Variants in TRDN observed in about 807,000 individuals in gnomAD.
TRDN encodes triadin.
Under a neutral mutation model 149.7 loss-of-function variants are expected in TRDN, and 161 were observed. The observed-to-expected ratio is 1.08, with a 90% confidence interval of 0.95 to 1.23. The LOEUF is 1.23. Ranked by LOEUF, TRDN falls within the 50% of genes most tolerant of loss-of-function variation. The probability of loss-of-function intolerance (pLI) is 0.00; values close to 1 mark genes in which losing one functional copy is unlikely to be tolerated. For missense variants in TRDN, 896 were observed against 823.5 expected (o/e 1.09, Z -1.08); for synonymous variants, 294 against 250.5 (o/e 1.17, Z -1.64).
intron 19 of TRDN, among the ~76,000 whole-genome samples, chr6:123,368,414 CT>C (rs1781197616): frequency 1.3e-5 from 2 of 152,202 alleles, no homozygotes; most frequent in Admixed American, 1.3e-4. Context: ...TTAACCCTGT[CT>C]GCACCTTAGA....
intron 5 of TRDN, among the ~76,000 whole-genome samples, chr6:123,521,762 C>A (rs1446296025): frequency 6.6e-6 from 1 of 152,098 alleles, no homozygotes; most frequent in Non-Finnish European, 1.5e-5. Context: ...GAACCAAAAA[C>A]CACTAATTCC....
chr6:123,500,245 A>C (rs1583152535), intron 8 of TRDN, among the ~76,000 whole-genome samples: 1 of 152,172 alleles, frequency 6.6e-6, no homozygotes, highest in Non-Finnish European at 1.5e-5. Flanking sequence ...ATCAATAGGA[A>C]TATGAGAAAG....
intron 1 of TRDN, among the ~76,000 whole-genome samples, chr6:123,601,162 T>C (rs949778009): frequency 6.6e-6 from 1 of 152,168 alleles, no homozygotes; most frequent in Non-Finnish European, 1.5e-5. Flanking sequence ...ATTAAATATA[T>C]GCATATCCAT....
At chr6:123,346,138 A>T (rs760600312) in intron 21 of TRDN, among the ~76,000 whole-genome samples, 10 of 152,112 alleles carry the variant, frequency 6.6e-5, no homozygotes, top group Non-Finnish European at 1.2e-4. Flanking sequence ...ACTTCGCACC[A>T]TTAAATAGAA....
intron 12 of TRDN, among the ~76,000 whole-genome samples, chr6:123,404,919 C>T (rs942959481): frequency 6.6e-6 from 1 of 152,176 alleles, no homozygotes; most frequent in African/African-American, 2.4e-5. Flanking sequence ...GAATTATGCA[C>T]AGCTCTGAGG....
At position 123,514,056 on chromosome 6, in the gene TRDN, A is replaced by C. The variant is rs562645416; in HGVS notation, c.551-1694T>G. Among the ~76,000 whole-genome samples, 19 of 152,266 alleles carry C rather than the reference A, an allele frequency of 1.2e-4. No individual in the cohort carries two copies. The East Asian group carries it at 3.5e-3, about 28-fold the overall frequency. ...ATGGATTTTTGAGGAATTAAAGTTA[A>C]ATTTAAAATGTGAAACAATCTTTTT... On this transcript the variant is annotated intron_variant, in intron 6 of 40. Coordinates refer to ENST00000334268, the MANE Select transcript of TRDN (RefSeq NM_006073.4).
chr6:123,581,452 C>T (rs1004823647), intron 1 of TRDN, among the ~76,000 whole-genome samples: 1 of 152,138 alleles, frequency 6.6e-6, no homozygotes, highest in African/African-American at 2.4e-5. Context: ...GCACATTTTG[C>T]ACAGTTAAGG....
intron 32 of TRDN, among the ~76,000 whole-genome samples, chr6:123,267,161 G>A (rs1777040762): frequency 6.9e-6 from 1 of 144,324 alleles, no homozygotes; most frequent in African/African-American, 2.5e-5. Flanking sequence ...TTTTTGAAAT[G>A]AGAACTGGTA....
rs539562845 is a variant in TRDN, at chr6:123,363,137, C to T, written c.1321+2998G>A. ...TTAGTAATTTCCACTTAACATTGCA[C>T]ACAGTTCCTAGTTTAAGCCTCAATT... is the stretch of plus-strand genomic sequence containing the variant. On this transcript the variant is annotated intron_variant, in intron 20 of 40. Coordinates refer to ENST00000334268, the MANE Select transcript of TRDN (RefSeq NM_006073.4). Among the ~76,000 whole-genome samples the T allele has an allele frequency of 3.9e-5, 6 of 152,208 alleles. No individual in the cohort carries two copies. In the South Asian group the frequency reaches 6.2e-4, roughly 16 times the overall value.
chr6:123,457,194 G>A (rs1776177534), intron 10 of TRDN, among the ~76,000 whole-genome samples: 1 of 152,176 alleles, frequency 6.6e-6, no homozygotes, highest in Non-Finnish European at 1.5e-5. Context: ...AAAGGGCTGT[G>A]AAGCAGGAAA....
intron 12 of TRDN, among the ~76,000 whole-genome samples, chr6:123,433,453 C>T (rs1583013764): frequency 6.6e-6 from 1 of 151,696 alleles, no homozygotes; most frequent in East Asian, 1.9e-4. Context: ...TCTGTTTATC[C>T]ACTTCTGTGT....
intron 24 of TRDN, among the ~76,000 whole-genome samples, chr6:123,287,578 A>G (rs1777845639): frequency 6.6e-6 from 1 of 152,142 alleles, no homozygotes; most frequent in East Asian, 1.9e-4. Flanking sequence ...ATTATGTTTC[A>G]GCAAATAAGG....
intron 38 of TRDN, among the ~76,000 whole-genome samples, chr6:123,243,693 A>G (rs1183156553): frequency 6.6e-6 from 1 of 152,166 alleles, no homozygotes; most frequent in Admixed American, 6.6e-5. Context: ...AGAAAGAAAA[A>G]TCAAGTAAAA....
intron 39 of TRDN, 34 bp downstream of exon 39, chr6:123,224,059 A>G: frequency 3.8e-6 from 6 of 1,597,786 alleles, no homozygotes; most frequent in Non-Finnish European, 3.4e-6. Context: ...CTTTGAGAGA[A>G]AACTTGTAAA....
chr6:123,275,587 TA>T (rs1390377547), intron 26 of TRDN, among the ~76,000 whole-genome samples: 1 of 152,286 alleles, frequency 6.6e-6, no homozygotes, highest in East Asian at 1.9e-4. Flanking sequence ...CCAAGGAAAC[TA>T]ATCAATTTTG....
chr6:123,585,365 C>T (rs868494796), intron 1 of TRDN, among the ~76,000 whole-genome samples: 65 of 152,024 alleles, frequency 4.3e-4, no homozygotes, highest in African/African-American at 1.5e-3. Context: ...GGTTTAGAAG[C>T]CTGGCCATCA....
At chr6:123,502,659 A>C in intron 8 of TRDN, 1 of 984,550 alleles carries the variant, frequency 1.0e-6, no homozygotes, top group Non-Finnish European at 1.2e-6. Context: ...AATTAATTTC[A>C]GTTTCATCCT....
chr6:123,217,544 G>A lies in TRDN; in HGVS notation c.*1057C>T, dbSNP rs1235471153. The A allele has an allele frequency of 6.6e-6, 1 of 151,936 alleles. No individual in the cohort carries two copies. Among genetic ancestry groups the A allele is most frequent in the Non-Finnish European group, 1.5e-5 (1 of 67,924 alleles). The allele number at this position is 151,936 out of a possible 1,614,324, so 9.4% of individuals were successfully genotyped here. ...AAACATAACAGTCATTCCCAGGGAT[G>A]CACTGTCGAGTAGATTAAAAATTGT... On this transcript the variant is annotated 3_prime_UTR_variant, in exon 41 of 41. Coordinates refer to ENST00000334268, the MANE Select transcript of TRDN (RefSeq NM_006073.4).
chr6:123,312,447 A>C (rs150709443), intron 24 of TRDN, among the ~76,000 whole-genome samples: 1 of 152,048 alleles, frequency 6.6e-6, no homozygotes, highest in East Asian at 1.9e-4. Flanking sequence ...ATGATATTTT[A>C]AATAATATTT....
Sources: gnomAD v4.1 joint callset for allele counts (sites outside exome capture counted in the v4.1 genomes callset) on GRCh38, gnomAD v4.1.1 for gene constraint, MANE v1.5 for transcripts, NCBI Gene and HGNC (gene_info 2026-07-23, HGNC 2026-07-21) for gene names.